TRPM3: variants seen among roughly 807,000 people sequenced by gnomAD.
TRPM3 encodes the protein transient receptor potential cation channel subfamily M member 3.
Under a neutral mutation model 181.2 loss-of-function variants are expected in TRPM3, and 77 were observed. That is an observed-to-expected ratio of 0.42 (90% confidence interval 0.35 to 0.51). The LOEUF is 0.51. TRPM3 is among the 20% of genes least tolerant of loss of function. TRPM3 has a pLI of 0.01. For synonymous variants in TRPM3, 745 were observed against 796.4 expected, an observed-to-expected ratio of 0.94 and a Z score of 1.09; for missense variants, 1,759 against 2,196.7, an observed-to-expected ratio of 0.80 and a Z score of 3.98.
chr9:70,948,474 C>T (rs7023264), intron 1 of TRPM3, among the ~76,000 whole-genome samples: 15 of 152,228 alleles, frequency 9.9e-5, no homozygotes, highest in East Asian at 3.9e-4. Context: ...AGCCCTTTGA[C>T]GACTATAATA....
At chr9:70,809,588 T>C (rs1466700375) in intron 6 of TRPM3, among the ~76,000 whole-genome samples, 1 of 152,260 alleles carries the variant, frequency 6.6e-6, no homozygotes, top group Non-Finnish European at 1.5e-5. Context: ...CAATAGGCTA[T>C]ACTATATAGC....
chr9:70,954,184 TAG>T (rs2097038471), intron 1 of TRPM3, among the ~76,000 whole-genome samples: 1 of 152,148 alleles, frequency 6.6e-6, no homozygotes, highest in South Asian at 2.1e-4. Context: ...GAAGTCCATG[TAG>T]AGAGAGACTA....
chr9:71,086,424 G>A (rs2065273033), intron 1 of TRPM3, among the ~76,000 whole-genome samples: 1 of 151,874 alleles, frequency 6.6e-6, no homozygotes, highest in East Asian at 1.9e-4. Context: ...TGAGGTATAA[G>A]TCTAGATTAT....
intron 5 of TRPM3, among the ~76,000 whole-genome samples, chr9:70,840,085 A>G (rs1349000776): frequency 6.6e-6 from 1 of 152,194 alleles, no homozygotes; most frequent in Non-Finnish European, 1.5e-5. Context: ...CTAACATCAT[A>G]GTACCTTTTA....
intron 1 of TRPM3, among the ~76,000 whole-genome samples, chr9:71,012,150 G>A (rs1299827648): frequency 6.6e-6 from 1 of 152,022 alleles, no homozygotes; most frequent in Non-Finnish European, 1.5e-5. Flanking sequence ...CCCATTTCAA[G>A]TTTATTCTGG....
chr9:71,280,979 C>T (rs935050634), intron 1 of TRPM3, among the ~76,000 whole-genome samples: 10 of 152,040 alleles, frequency 6.6e-5, no homozygotes, highest in Non-Finnish European at 1.3e-4. Flanking sequence ...GTTGTTTTTC[C>T]CTAGGTTGAT....
At chr9:70,988,976 C>T (rs879284119) in intron 1 of TRPM3, among the ~76,000 whole-genome samples, 3 of 152,112 alleles carry the variant, frequency 2.0e-5, no homozygotes, top group Non-Finnish European at 4.4e-5. Context: ...GTTGAGCCTC[C>T]AGATGAGGAT....
At chr9:71,366,071 G>C (rs1211119073) in intron 1 of TRPM3, among the ~76,000 whole-genome samples, 1 of 152,144 alleles carries the variant, frequency 6.6e-6, no homozygotes, top group African/African-American at 2.4e-5. Flanking sequence ...GCTTTTCAGA[G>C]ATTGGTCATC....
intron 8 of TRPM3, among the ~76,000 whole-genome samples, chr9:70,697,571 T>A (rs757211060): frequency 1.3e-5 from 2 of 152,212 alleles, no homozygotes; most frequent in Non-Finnish European, 2.9e-5. Context: ...TAGGCTACGA[T>A]TTTCAGACTA....
At chr9:70,869,087 T>C in intron 1 of TRPM3, 1 of 981,996 alleles carries the variant, frequency 1.0e-6, no homozygotes, top group South Asian at 4.7e-5. Flanking sequence ...AATAATGCTC[T>C]TATGACCGCC....
chr9:71,073,618 C>G (rs1477385107), intron 1 of TRPM3, among the ~76,000 whole-genome samples: 1 of 152,012 alleles, frequency 6.6e-6, no homozygotes, highest in Non-Finnish European at 1.5e-5. Flanking sequence ...ATATTCCTCC[C>G]TGTTCCATTC....
At chr9:71,105,815 A>G (rs958449999) in intron 1 of TRPM3, among the ~76,000 whole-genome samples, 10 of 152,216 alleles carry the variant, frequency 6.6e-5, no homozygotes, top group Middle Eastern at 3.2e-3. Flanking sequence ...ACACACACAC[A>G]TACAATACAG....
rs7851814 is a variant in TRPM3 at position 71,346,500 on chromosome 9, A to G, written c.183+100153T>C. On this transcript the variant is annotated intron_variant, in intron 1 of 24. Coordinates refer to the TRPM3 transcript ENST00000357533. ...ATTAGCTTTCTGGTAAACCATACAG[A>G]GTGCTAAACTCTTTGCAAGGGAGCT... is the stretch of plus-strand genomic sequence containing the variant. Among the ~76,000 whole-genome samples, 166 of 152,318 alleles carry G rather than the reference A, an allele frequency of 1.1e-3. 1 individual carries two copies. The highest frequency in any genetic ancestry group is 3.9e-3 in the African/African-American group (161 of 41,574).
chr9:71,070,496 C>T (rs1250223077), intron 1 of TRPM3, among the ~76,000 whole-genome samples: 1 of 152,136 alleles, frequency 6.6e-6, no homozygotes, highest in Non-Finnish European at 1.5e-5. Flanking sequence ...GGCCAGATTT[C>T]TTATCAGATG....
chr9:70,619,148 AG>A, intron 16 of TRPM3, 53 bp from the exon 17 acceptor site: 2 of 1,514,666 alleles, frequency 1.3e-6, no homozygotes, highest in Admixed American at 2.0e-5. Flanking sequence ...GAGACTTATA[AG>A]GTAAAAGTGG....
At chr9:71,220,985 G>A (rs548376211) in intron 1 of TRPM3, among the ~76,000 whole-genome samples, 24 of 152,042 alleles carry the variant, frequency 1.6e-4, no homozygotes, top group Non-Finnish European at 3.4e-4. Flanking sequence ...TTCCAAGGTA[G>A]TACAATGTGA....
chr9:70,596,499 A>C (rs1374622217), intron 21 of TRPM3, among the ~76,000 whole-genome samples: 1 of 152,184 alleles, frequency 6.6e-6, no homozygotes, highest in Non-Finnish European at 1.5e-5. Context: ...TGGGAGGCTG[A>C]GGCGGGTGGA....
intron 22 of TRPM3, among the ~76,000 whole-genome samples, chr9:70,560,170 G>T (rs1030695611): frequency 5.9e-5 from 9 of 152,204 alleles, no homozygotes; most frequent in Admixed American, 1.3e-4. Context: ...TTGTTTTACA[G>T]CTGAGGAAAC....
chr9:71,112,978 A>G (rs1240439675), intron 1 of TRPM3, among the ~76,000 whole-genome samples: 2 of 152,160 alleles, frequency 1.3e-5, no homozygotes, highest in African/African-American at 2.4e-5. Flanking sequence ...TGATTTGAGG[A>G]GGGGAAAAAC....
Sources: allele counts gnomAD v4.1 joint callset (sites outside exome capture counted in the v4.1 genomes callset), GRCh38; gene constraint gnomAD v4.1.1; transcripts MANE v1.5; gene names NCBI Gene and HGNC (gene_info 2026-07-23, HGNC 2026-07-21).